Variants in TMEM74 observed in about 807,000 individuals in gnomAD.
The protein encoded by TMEM74 is transmembrane protein 74.
A neutral mutation model predicts 18.1 loss-of-function variants in TMEM74; 13 were observed. The observed-to-expected ratio is 0.72, with a 90% confidence interval of 0.47 to 1.14. TMEM74 has a LOEUF of 1.14. Among genes scored for constraint, TMEM74 ranks in the 50% most tolerant of loss-of-function variants. The pLI is 0.00. For missense variants in TMEM74, 372 were observed against 375.9 expected, an observed-to-expected ratio of 0.99 and a Z score of 0.09; for synonymous variants, 159 against 146.6, an observed-to-expected ratio of 1.08 and a Z score of -0.61.
intron 2 of TMEM74, among the ~76,000 whole-genome samples, chr8:108,646,080 A>G (rs1563739462): frequency 6.6e-6 from 1 of 151,136 alleles, no homozygotes; most frequent in Non-Finnish European, 1.5e-5. Context: ...TTGTTCACGA[A>G]GTTTTTTTTT....
chr8:108,783,177 A>G lies in TMEM74; in HGVS notation c.*1004T>C, dbSNP rs928509535. 2.0e-5 allele frequency among the ~76,000 whole-genome samples: 3 copies of G among 152,146 alleles called. No individual in the cohort carries two copies. Among genetic ancestry groups the G allele is most frequent in the African/African-American group, 7.2e-5 (3 of 41,430 alleles). On this transcript the variant is annotated 3_prime_UTR_variant, in exon 2 of 2. Coordinates refer to ENST00000297459, the MANE Select transcript of TMEM74 (RefSeq NM_153015.3). ...AAGTGCTCGTTGCTTGGCCTACAGC[A>G]AGTGATACAGCCTGCGAGGCACAGT...
Position 108,739,726 on chromosome 8 carries a change from C to A in TMEM74, n.119+47750G>T, listed in dbSNP as rs138206991. On this transcript the variant is annotated intron_variant and non_coding_transcript_variant, in intron 1 of 3. Coordinates refer to the TMEM74 transcript ENST00000518838. The stretch of plus-strand genomic sequence containing the variant: ...GTCTGGAAGTCCAAGAGGGCTTTTT[C>A]TTTTCCATATCTGGTGCTTTAGCTA... Among the ~76,000 whole-genome samples the A allele has an allele frequency of 7.6e-3, 1,150 of 152,152 alleles. 17 individuals are homozygous for A. Among genetic ancestry groups the A allele is most frequent in the African/African-American group, 0.026 (1,067 of 41,480 alleles).
At chr8:108,615,819 CTTT>C (rs71564011) in intron 2 of TMEM74, among the ~76,000 whole-genome samples, 12 of 76,454 alleles carry the variant, frequency 1.6e-4, no homozygotes, top group East Asian at 4.7e-4. Flanking sequence ...TGCATGGGAG[CTTT>C]TTTTTTTTTT....
At chr8:108,690,630 A>T (rs1672787051) in intron 1 of TMEM74, among the ~76,000 whole-genome samples, 1 of 151,956 alleles carries the variant, frequency 6.6e-6, no homozygotes, top group Non-Finnish European at 1.5e-5. Flanking sequence ...CCTGGATAAC[A>T]CGCTGAAACC....
intron 1 of TMEM74, among the ~76,000 whole-genome samples, chr8:108,689,672 G>A (rs1248689015): frequency 1.3e-5 from 2 of 152,180 alleles, no homozygotes; most frequent in Non-Finnish European, 2.9e-5. Context: ...TTGGATTCCA[G>A]TTTATTGAAA....
intron 1 of TMEM74, among the ~76,000 whole-genome samples, chr8:108,744,578 G>C (rs1195569309): frequency 6.6e-6 from 1 of 152,088 alleles, no homozygotes; most frequent in Non-Finnish European, 1.5e-5. Flanking sequence ...CGTAAGAGAA[G>C]GTGAATATTT....
At chr8:108,696,778 C>G (rs1813285168) in intron 1 of TMEM74, among the ~76,000 whole-genome samples, 1 of 152,152 alleles carries the variant, frequency 6.6e-6, no homozygotes, top group Non-Finnish European at 1.5e-5. Flanking sequence ...ATATAATTGA[C>G]AAAATTTATT....
intron 2 of TMEM74, among the ~76,000 whole-genome samples, chr8:108,648,153 C>T (rs921530464): frequency 6.6e-6 from 1 of 152,216 alleles, no homozygotes; most frequent in South Asian, 2.1e-4. Context: ...GTCACAAATC[C>T]TCCCATAAAG....
At chr8:108,756,798 G>GAGGAAGGAAGGAAGGA (rs60134137) in intron 1 of TMEM74, among the ~76,000 whole-genome samples, 3 of 123,102 alleles carry the variant, frequency 2.4e-5, no homozygotes, top group African/African-American at 9.2e-5. Context: ...GAGGGAAGGG[G>GAGGAAGGAAGGAAGGA]AGGAAGGAAG....
At chr8:108,745,713 A>T (rs780208440) in intron 1 of TMEM74, among the ~76,000 whole-genome samples, 3 of 152,144 alleles carry the variant, frequency 2.0e-5, no homozygotes, top group Non-Finnish European at 2.9e-5. Context: ...TCTTATGCCC[A>T]ATTTCTGCCT....
intron 2 of TMEM74, among the ~76,000 whole-genome samples, chr8:108,648,529 T>C (rs1812743143): frequency 6.6e-6 from 1 of 152,124 alleles, no homozygotes. Context: ...TGACTAAGCA[T>C]TTTAAGATGG....
intron 1 of TMEM74, among the ~76,000 whole-genome samples, chr8:108,699,056 G>C (rs1813308595): frequency 5.9e-5 from 9 of 151,772 alleles, no homozygotes; most frequent in Admixed American, 5.9e-4. Flanking sequence ...ATAAATCTTT[G>C]ACCAGGCATT....
At chr8:108,644,719 A>ACAT (rs1363330337) in intron 2 of TMEM74, among the ~76,000 whole-genome samples, 1 of 152,228 alleles carries the variant, frequency 6.6e-6, no homozygotes, top group African/African-American at 2.4e-5. Flanking sequence ...TCAAAAGAAG[A>ACAT]CATACAGTGG....
intron 1 of TMEM74, among the ~76,000 whole-genome samples, chr8:108,753,885 A>G (rs1813928722): frequency 6.6e-6 from 1 of 151,930 alleles, no homozygotes; most frequent in Non-Finnish European, 1.5e-5. Flanking sequence ...TACCCCTTCT[A>G]CTGATGTTAT....
At chr8:108,698,221 A>G (rs1563528986) in intron 1 of TMEM74, among the ~76,000 whole-genome samples, 1 of 152,240 alleles carries the variant, frequency 6.6e-6, no homozygotes, top group African/African-American at 2.4e-5. Context: ...ATAAGGTCAC[A>G]CAATCAAGAT....
chr8:108,723,807 C>T (rs2130633356), intron 1 of TMEM74, among the ~76,000 whole-genome samples: 1 of 152,312 alleles, frequency 6.6e-6, no homozygotes, highest in South Asian at 2.1e-4. Flanking sequence ...ATTTACTCCT[C>T]ACATGGCAAG....
At chr8:108,647,453 A>G (rs1253597838) in intron 2 of TMEM74, among the ~76,000 whole-genome samples, 1 of 152,126 alleles carries the variant, frequency 6.6e-6, no homozygotes, top group African/African-American at 2.4e-5. Context: ...TTTTTCTATG[A>G]CTAATGTTTA....
intron 1 of TMEM74, among the ~76,000 whole-genome samples, chr8:108,772,113 A>T (rs1195298602): frequency 6.6e-6 from 1 of 152,180 alleles, no homozygotes; most frequent in Non-Finnish European, 1.5e-5. Flanking sequence ...AGTGTATATT[A>T]GCTACTGTAA....
intron 1 of TMEM74, among the ~76,000 whole-genome samples, chr8:108,680,294 A>C (rs1200934987): frequency 6.6e-6 from 1 of 152,246 alleles, no homozygotes; most frequent in East Asian, 1.9e-4. Context: ...CGAATCCAGC[A>C]GCACATCAAA....
Sources: allele counts gnomAD v4.1 joint callset (sites outside exome capture counted in the v4.1 genomes callset), GRCh38; gene constraint gnomAD v4.1.1; transcripts MANE v1.5; gene names NCBI Gene and HGNC (gene_info 2026-07-23, HGNC 2026-07-21).